FRMD8: variants seen among roughly 807,000 people sequenced by gnomAD.
The protein encoded by FRMD8 is FERM domain containing 8.
A neutral mutation model predicts 54.2 loss-of-function variants in FRMD8; 37 were observed. The ratio of observed to expected loss-of-function variants is 0.68; its 90% CI spans 0.53 to 0.90. The LOEUF (loss-of-function observed/expected upper bound fraction) is 0.90, where lower values mean the gene tolerates loss of function less well. Ranked by LOEUF, FRMD8 falls within the 40% of genes least tolerant of loss-of-function variation. The pLI, the probability that FRMD8 is intolerant of heterozygous loss-of-function variation, is 0.00. For missense variants in FRMD8, 585 were observed against 653.7 expected (o/e 0.89, Z 1.15); for synonymous variants, 246 against 286.9 (o/e 0.86, Z 1.44).
chr11:65,374,303 CCCCCATGTGCCCAGGTGGAGCA>C, the FRMD8 span, among the ~76,000 whole-genome samples: 1 of 118,448 alleles, frequency 8.4e-6, no homozygotes, highest in Admixed American at 8.4e-5. Context: ...TCGCAGAAGA[CCCCCATGTGCCCAGGTGGAGCA>C]GGGTAGCCAT....
At chr11:65,401,018 G>C in intron 9 of FRMD8, 151 bp downstream of exon 9, 1 of 854,746 alleles carries the variant, frequency 1.2e-6, no homozygotes, top group Non-Finnish European at 1.7e-6. Context: ...GGGGTGCCTT[G>C]AGTCCTGCTG....
chr11:65,393,491 A>G (rs1022949372), intron 3 of FRMD8, 82 bp from the exon 4 acceptor site: 2 of 1,022,690 alleles, frequency 2.0e-6, no homozygotes, highest in East Asian at 2.4e-5. Flanking sequence ...GACTGTCGTC[A>G]TGCTGTGCGG....
chr11:65,372,461 T>G, the FRMD8 span, among the ~76,000 whole-genome samples: 1 of 152,122 alleles, frequency 6.6e-6, no homozygotes, highest in Non-Finnish European at 1.5e-5. Context: ...GTCTGGCCAC[T>G]CTCTCTGGCT....
intron 10 of FRMD8, among the ~76,000 whole-genome samples, chr11:65,409,161 C>T (rs1195176838): frequency 6.6e-6 from 1 of 152,070 alleles, no homozygotes; most frequent in African/African-American, 2.4e-5. Flanking sequence ...TCTCAGCTCA[C>T]TGCAACCTCT....
the FRMD8 span, among the ~76,000 whole-genome samples, chr11:65,370,854 C>T: frequency 6.6e-6 from 1 of 152,054 alleles, no homozygotes; most frequent in Non-Finnish European, 1.5e-5. Flanking sequence ...CACTTGAGCC[C>T]AGGAATTCGA....
intron 10 of FRMD8, among the ~76,000 whole-genome samples, chr11:65,410,950 A>G (rs1856316636): frequency 6.6e-6 from 1 of 152,232 alleles, no homozygotes; most frequent in South Asian, 2.1e-4. Flanking sequence ...CCTCTGTGCC[A>G]GGATCCCACC....
intron 9 of FRMD8, among the ~76,000 whole-genome samples, chr11:65,402,675 A>G (rs530990294): frequency 2.6e-5 from 4 of 152,300 alleles, no homozygotes; most frequent in African/African-American, 9.6e-5. Flanking sequence ...CGCATTGATT[A>G]CTTCGGAGGT....
chr11:65,379,585 G>C, the FRMD8 span: 1 of 1,588,620 alleles, frequency 6.3e-7, no homozygotes, highest in Non-Finnish European at 8.6e-7. Context: ...CAGTGGCAGC[G>C]GAGTAGGCAC....
At chr11:65,373,564 G>A in the FRMD8 span, among the ~76,000 whole-genome samples, 1 of 152,140 alleles carries the variant, frequency 6.6e-6, no homozygotes, top group Non-Finnish European at 1.5e-5. Context: ...GGCCTGAGAT[G>A]CTGCATATCT....
chr11:65,398,667 G>A (rs1239025425), intron 7 of FRMD8, among the ~76,000 whole-genome samples: 2 of 152,236 alleles, frequency 1.3e-5, no homozygotes, highest in Non-Finnish European at 2.9e-5. Context: ...GTCAAGCAAC[G>A]GGTCTTGTAG....
At chr11:65,372,059 G>A in the FRMD8 span, among the ~76,000 whole-genome samples, 1 of 151,968 alleles carries the variant, frequency 6.6e-6, no homozygotes, top group Non-Finnish European at 1.5e-5. Flanking sequence ...TTACAGGCAT[G>A]TGCCACCACG....
chr11:65,374,755 C>G, the FRMD8 span, among the ~76,000 whole-genome samples: 1 of 152,092 alleles, frequency 6.6e-6, no homozygotes, highest in Non-Finnish European at 1.5e-5. Context: ...GCTATCTGTG[C>G]TCAGGAGTTC....
chr11:65,373,857 T>G, the FRMD8 span, among the ~76,000 whole-genome samples: 29,875 of 152,152 alleles, frequency 0.2, 3,800 homozygotes, highest in African/African-American at 0.35. Flanking sequence ...TAAAGTGCTG[T>G]AATTACAGGT....
At chr11:65,370,265 G>C in the FRMD8 span, among the ~76,000 whole-genome samples, 3 of 151,068 alleles carry the variant, frequency 2.0e-5, no homozygotes, top group South Asian at 6.2e-4. Flanking sequence ...TGGTGGGAGG[G>C]AGCCTGATGT....
rs376117971 is a variant in FRMD8, at chr11:65,394,014, C to T, written c.356-27C>T. 347 of 1,612,770 alleles carry T rather than the reference C, an allele frequency of 2.2e-4. No homozygotes were observed. The African/African-American group carries it at 3.7e-3, about 17-fold the overall frequency. ...GAGGGCTAAGCAGAGTGGGGATGCC[C>T]GGCAGTGACCCAGCCTCTCTCCCCA... is the stretch of plus-strand genomic sequence containing the variant. On this transcript the variant is annotated intron_variant, in intron 4 of 10. Coordinates refer to ENST00000317568, the MANE Select transcript of FRMD8 (RefSeq NM_031904.5).
intron 3 of FRMD8, among the ~76,000 whole-genome samples, chr11:65,393,240 T>C (rs1855877885): frequency 6.6e-6 from 1 of 151,958 alleles, no homozygotes; most frequent in Non-Finnish European, 1.5e-5. Flanking sequence ...GCACTGAGGG[T>C]TCCTTTGTGC....
chr11:65,405,164 C>G, intron 10 of FRMD8, 96 bp downstream of exon 10: 1 of 1,223,328 alleles, frequency 8.2e-7, no homozygotes, highest in South Asian at 1.3e-5. Flanking sequence ...AGAGCAGCTC[C>G]AGACCCAGTG....
At chr11:65,376,228 C>T in the FRMD8 span, 6 of 694,274 alleles carry the variant, frequency 8.6e-6, no homozygotes, top group Admixed American at 6.0e-5. Flanking sequence ...TGCACAGGCC[C>T]CCTGGCTTCC....
chr11:65,371,723 T>C, the FRMD8 span, among the ~76,000 whole-genome samples: 1 of 152,232 alleles, frequency 6.6e-6, no homozygotes, highest in Non-Finnish European at 1.5e-5. Context: ...CGGGTGATTC[T>C]CCTGCCTCAG....
Sources: gnomAD v4.1 joint callset for allele counts (sites outside exome capture counted in the v4.1 genomes callset) on GRCh38, gnomAD v4.1.1 for gene constraint, MANE v1.5 for transcripts, NCBI Gene and HGNC (gene_info 2026-07-23, HGNC 2026-07-21) for gene names.